CDKN1B: variants seen among roughly 807,000 people sequenced by gnomAD.
CDKN1B encodes cyclin-dependent kinase inhibitor 1B.
CDKN1B carries 7 observed loss-of-function variants against 17.1 expected under a neutral mutation model. The ratio of observed to expected loss-of-function variants is 0.41; its 90% confidence interval spans 0.23 to 0.77. The LOEUF is 0.77. Among genes scored for constraint, CDKN1B ranks in the 30% least tolerant of loss-of-function variants. The pLI is 0.33. For synonymous variants in CDKN1B, 149 were observed against 104.3 expected, an observed-to-expected ratio of 1.43 and a Z score of -2.61; for missense variants, 337 against 262.0, an observed-to-expected ratio of 1.29 and a Z score of -1.98.
chr12:12,719,029 G>A (rs1442715614), intron 2 of CDKN1B, 75 bp downstream of exon 2: 1 of 1,579,930 alleles, frequency 6.3e-7, no homozygotes, highest in Non-Finnish European at 8.7e-7. Flanking sequence ...CTTACTGGTT[G>A]CTGGCAAATT....
chr12:12,719,569 TAAA>T (rs987603913), intron 2 of CDKN1B: 4 of 152,546 alleles, frequency 2.6e-5, no homozygotes, highest in African/African-American at 7.2e-5. Flanking sequence ...AATGGAAAGA[TAAA>T]AAAGTTACTA....
rs1226951054 is a variant in CDKN1B, at chr12:12,721,094, A to G, written c.*67A>G. On this transcript the variant is annotated 3_prime_UTR_variant, in exon 3 of 3. Coordinates refer to ENST00000228872, the MANE Select transcript of CDKN1B (RefSeq NM_004064.5). ...ATCACTGCTTGATGAAGCAAGGAAG[A>G]TATACATGAAAATTTTAAAAATACA... The G allele has an allele frequency of 3.9e-6, 3 of 771,894 alleles. No individual in the cohort carries two copies. The highest frequency in any genetic ancestry group is 7.2e-6 in the Non-Finnish European group (3 of 414,414). 47.8% of individuals were successfully genotyped at this position (771,894 alleles called of 1,614,324 possible). A position where few individuals can be genotyped will look rare whatever the true frequency, so the allele number is the denominator to read the frequency against.
chr12:12,717,779 T>G lies in CDKN1B; in HGVS notation c.-61T>G. 1 of 1,606,400 alleles carries G rather than the reference T, an allele frequency of 6.2e-7. No homozygotes were observed. The highest frequency in any genetic ancestry group is 8.5e-7 in the Non-Finnish European group (1 of 1,179,368). On this transcript the variant is annotated 5_prime_UTR_variant, in exon 1 of 3. Transcript: ENST00000228872. Reference sequence around the variant, plus strand: ...TTCGGGCTGCGTAGGGGCGCTTTGTTTTGTTCGGTTTTGTTTTTTTGAGAG... The same window carrying G: ...TTCGGGCTGCGTAGGGGCGCTTTGTGTTGTTCGGTTTTGTTTTTTTGAGAG...
rs1427650079 is a variant in CDKN1B, at chr12:12,717,902, G to A, written c.63G>A (p.Ala21=). 3.7e-6 allele frequency: 6 copies of A among 1,614,070 alleles called. 1 individual carries two copies. The South Asian group carries it at 4.4e-5, about 12-fold the overall frequency. The part of the protein sequence containing the change: ...PSLERMDARQ[A]EHPKPSACRN... ...TGGAGCGGATGGACGCCAGGCAGGC[G>A]GAGCACCCCAAGCCCTCGGCCTGCA... The change falls in exon 1 of 3, where the codon GCG becomes GCA. Residue 21 remains alanine, a synonymous_variant. Transcript: ENST00000228872.
rs748670529 is a variant in CDKN1B at position 12,718,326 on chromosome 12, T to TA, written c.475+12_475+13insA. Reference sequence around the variant, plus strand: ...ACCTGCAACCGACGGTAATGACCCTTTCCCAACCATAGAATGTGTTTGGGG... The same window carrying TA: ...ACCTGCAACCGACGGTAATGACCCTTATCCCAACCATAGAATGTGTTTGGGG... On this transcript the variant is annotated intron_variant, in intron 1 of 2. Coordinates refer to ENST00000228872, the MANE Select transcript of CDKN1B (RefSeq NM_004064.5). 13 of 1,598,058 alleles carry TA rather than the reference T, an allele frequency of 8.1e-6. No individual in the cohort carries two copies. The African/African-American group carries it at 1.5e-4, about 18-fold the overall frequency.
chr12:12,718,417 G>A lies in CDKN1B; in HGVS notation c.475+103G>A, dbSNP rs148534509. ...TTTCGGCGTATTCTGATTTAGCTTT[G>A]GGAGAGCTAACTTTATTGGTCTTAG... On this transcript the variant is annotated intron_variant, in intron 1 of 2. Transcript: ENST00000228872. 132 of 1,072,558 alleles carry A rather than the reference G, an allele frequency of 1.2e-4. 1 individual carries two copies. The African/African-American group carries it at 1.9e-3, about 16-fold the overall frequency. The allele number at this position is 1,072,558 out of a possible 1,614,324, so 66.4% of individuals were successfully genotyped here.
chr12:12,717,460 C>G lies in CDKN1B; in HGVS notation c.-380C>G. On this transcript the variant is annotated 5_prime_UTR_variant, in exon 1 of 3. Coordinates refer to ENST00000228872, the MANE Select transcript of CDKN1B (RefSeq NM_004064.5). Reference sequence around the variant, plus strand: ...GTGTTTTTCTCCCCCTCCCCTGTCCCCGCTTGCTCACGGCTCTGCGACTCC... The same window carrying G: ...GTGTTTTTCTCCCCCTCCCCTGTCCGCGCTTGCTCACGGCTCTGCGACTCC... The G allele has an allele frequency of 2.3e-6, 3 of 1,315,896 alleles. No homozygotes were observed. The highest frequency in any genetic ancestry group is 1.9e-6 in the Non-Finnish European group (2 of 1,028,582). 81.5% of individuals were successfully genotyped at this position (1,315,896 alleles called of 1,614,324 possible). A position where few individuals can be genotyped will look rare whatever the true frequency, so the allele number is the denominator to read the frequency against.
chr12:12,721,068 C>A lies in CDKN1B; in HGVS notation c.*41C>A. The A allele has an allele frequency of 1.3e-6, 1 of 751,620 alleles. No homozygotes were observed. The allele number at this position is 751,620 out of a possible 1,614,324, so 46.6% of individuals were successfully genotyped here. On this transcript the variant is annotated 3_prime_UTR_variant, in exon 3 of 3. Transcript: ENST00000228872. ...AATATGTTTCCTTGTTTATCAGATA[C>A]ATCACTGCTTGATGAAGCAAGGAAG...
intron 1 of CDKN1B, 117 bp downstream of exon 1, chr12:12,718,431 T>C: frequency 1.0e-6 from 1 of 953,678 alleles, no homozygotes; most frequent in South Asian, 1.4e-5. Flanking sequence ...GAGCTAACTT[T>C]ATTGGTCTTA....
In CDKN1B at chr12:12,721,292, T is replaced by C. The variant is rs1946538620; in HGVS notation, c.*265T>C. 1 of 532,654 alleles carries C rather than the reference T, an allele frequency of 1.9e-6. No homozygotes were observed. The highest frequency in any genetic ancestry group is 3.6e-5 in the Admixed American group (1 of 27,410). 33.0% of individuals were successfully genotyped at this position (532,654 alleles called of 1,614,324 possible). ...ATTGTACTACCTGTGTATATAGTTT[T>C]TACCTTTTATGTAGCACATAAACTT... On this transcript the variant is annotated 3_prime_UTR_variant, in exon 3 of 3. Coordinates refer to ENST00000228872, the MANE Select transcript of CDKN1B (RefSeq NM_004064.5).
intron 1 of CDKN1B, 118 bp from the exon 2 acceptor site, chr12:12,718,707 G>A (rs1946508290): frequency 8.4e-7 from 1 of 1,186,006 alleles, no homozygotes; most frequent in African/African-American, 1.5e-5. Context: ...GACGGATCCA[G>A]GATTGTGGGT....
At chr12:12,720,365 ATGAG>A (rs1946530081) in intron 2 of CDKN1B, among the ~76,000 whole-genome samples, 1 of 152,238 alleles carries the variant, frequency 6.6e-6, no homozygotes, top group Non-Finnish European at 1.5e-5. Context: ...AAAAGTATTC[ATGAG>A]TATTTTCTGC....
chr12:12,717,863 C>CG lies in CDKN1B; in HGVS notation c.27dup (p.Ser10GlufsTer3). The CG allele has an allele frequency of 6.2e-7, 1 of 1,613,518 alleles. No individual in the cohort carries two copies. The highest frequency in any genetic ancestry group is 8.5e-7 in the Non-Finnish European group (1 of 1,179,996). ...AGATGTCAAACGTGCGAGTGTCTAA[C>CG]GGGAGCCCTAGCCTGGAGCGGATGG... On this transcript the variant is annotated frameshift_variant, in exon 1 of 3. Transcript: ENST00000228872. LOFTEE classifies it high-confidence loss of function.
chr12:12,718,105 A>G lies in CDKN1B; in HGVS notation c.266A>G (p.Tyr89Cys), dbSNP rs780841720. Residue 89 changes from tyrosine (Y) to cysteine (C), a missense_variant, in exon 1 of 3, where the codon TAC becomes TGC. By Grantham distance (194) the Tyr-to-Cys change is radical. Transcript: ENST00000228872. ...VEKGSLPEFYYRPPRPPKGAC... is the reference protein window; with the variant it reads ...VEKGSLPEFYCRPPRPPKGAC... ...AAGGGCAGCTTGCCCGAGTTCTACT[A>G]CAGACCCCCGCGGCCCCCCAAAGGT... 3 of 1,614,220 alleles carry G rather than the reference A, an allele frequency of 1.9e-6. No individual in the cohort carries two copies. The highest frequency in any genetic ancestry group is 2.2e-5 in the South Asian group (2 of 91,092).
rs4251694 is a variant in CDKN1B, at chr12:12,720,173, A to C, written c.*9-863A>C. On this transcript the variant is annotated intron_variant, in intron 2 of 2. Coordinates refer to ENST00000228872, the MANE Select transcript of CDKN1B (RefSeq NM_004064.5). ...GGAAAATTAGGTGAAAATTTTCCTG[A>C]AGCAACCTTAACATGCGCAGCCCTT... Among the ~76,000 whole-genome samples, 1,456 of 149,486 alleles carry C rather than the reference A, an allele frequency of 9.7e-3. 13 individuals are homozygous for C. Among genetic ancestry groups the C allele is most frequent in the Middle Eastern group, 0.014 (4 of 284 alleles).
rs370509436 is a variant in CDKN1B, at chr12:12,718,820, C to G, written c.476-5C>G. The G allele has an allele frequency of 1.9e-6, 3 of 1,614,018 alleles. No homozygotes were observed. The highest frequency in any genetic ancestry group is 2.5e-6 in the Non-Finnish European group (3 of 1,179,990). On this transcript the variant is annotated splice_region_variant and splice_polypyrimidine_tract_variant and intron_variant, in intron 1 of 2. Coordinates refer to ENST00000228872, the MANE Select transcript of CDKN1B (RefSeq NM_004064.5). Reference sequence around the variant, plus strand: ...GTTCTTTTTAAAAATTTCCCCTGCGCTTAGATTCTTCTACTCAAAACAAAA... The same window carrying G: ...GTTCTTTTTAAAAATTTCCCCTGCGGTTAGATTCTTCTACTCAAAACAAAA...
rs1946495382 is a variant in CDKN1B, at chr12:12,718,169, C to T, written c.330C>T (p.Ser110=). The T allele has an allele frequency of 1.2e-6, 2 of 1,613,368 alleles. No homozygotes were observed. Among genetic ancestry groups the T allele is most frequent in the Non-Finnish European group, 1.7e-6 (2 of 1,179,780 alleles). The change falls in exon 1 of 3, where the codon AGC becomes AGT. Residue 110 remains serine (S), a synonymous_variant. Coordinates refer to ENST00000228872, the MANE Select transcript of CDKN1B (RefSeq NM_004064.5). The part of the protein sequence containing the change: ...KVPAQESQDV[S]GSRPAAPLIG... Reference sequence around the variant, plus strand: ...CGGCGCAGGAGAGCCAGGATGTCAGCGGGAGCCGCCCGGCGGCGCCTTTAA... The same window carrying T: ...CGGCGCAGGAGAGCCAGGATGTCAGTGGGAGCCGCCCGGCGGCGCCTTTAA...
At position 12,718,677 on chromosome 12, in the gene CDKN1B, C is replaced by T. The variant is rs770567557; in HGVS notation, c.476-148C>T. The T allele has an allele frequency of 6.6e-5, 61 of 917,594 alleles. No homozygotes were observed. In the Middle Eastern group the frequency reaches 2.9e-3, roughly 44 times the overall value. 56.8% of individuals were successfully genotyped at this position (917,594 alleles called of 1,614,324 possible). ...TTTTGAAAACAACCTCATTTTGTGC[C>T]CTTAAAAGCCACTGGGGATGACGGA... On this transcript the variant is annotated intron_variant, in intron 1 of 2. Coordinates refer to ENST00000228872, the MANE Select transcript of CDKN1B (RefSeq NM_004064.5).
chr12:12,717,742 T>C lies in CDKN1B; in HGVS notation c.-98T>C. On this transcript the variant is annotated 5_prime_UTR_variant, in exon 1 of 3. Transcript: ENST00000228872. ...TTGGCTCCGAGGGCAGTCGCTGGGCTTCCGAGAGGGGTTCGGGCTGCGTAG... is the reference window on the plus strand; with the variant it reads ...TTGGCTCCGAGGGCAGTCGCTGGGCCTCCGAGAGGGGTTCGGGCTGCGTAG... The C allele has an allele frequency of 6.3e-7, 1 of 1,590,700 alleles. No individual in the cohort carries two copies. Among genetic ancestry groups the C allele is most frequent in the South Asian group, 1.1e-5 (1 of 90,008 alleles).
Sources: gnomAD v4.1 joint callset for allele counts (sites outside exome capture counted in the v4.1 genomes callset) on GRCh38, gnomAD v4.1.1 for gene constraint, MANE v1.5 for transcripts, NCBI Gene and HGNC (gene_info 2026-07-23, HGNC 2026-07-21) for gene names.